MGAT4C: variants seen among roughly 807,000 people sequenced by gnomAD.
MGAT4C encodes alpha-1,3-mannosyl-glycoprotein 4-beta-N-acetylglucosaminyltransferase C.
A neutral mutation model predicts 40.1 loss-of-function variants in MGAT4C; 19 were observed. The observed-to-expected ratio is 0.47, with a 90% CI of 0.33 to 0.70. The LOEUF (loss-of-function observed/expected upper bound fraction) is 0.70. MGAT4C is among the 30% of genes least tolerant of loss of function. The pLI, the probability that MGAT4C is intolerant of heterozygous loss-of-function variation, is 0.02. For synonymous variants in MGAT4C, 181 were observed against 187.1 expected (o/e 0.97, Z 0.27); for missense variants, 491 against 563.2 (o/e 0.87, Z 1.30).
At chr12:85,996,391 A>G (rs930745038) in intron 2 of MGAT4C, among the ~76,000 whole-genome samples, 3 of 152,210 alleles carry the variant, frequency 2.0e-5, no homozygotes, top group Non-Finnish European at 4.4e-5. Flanking sequence ...ACAACGGTAG[A>G]AATAATACAA....
At chr12:86,188,467 C>T (rs1359984919) in intron 1 of MGAT4C, among the ~76,000 whole-genome samples, 1 of 151,632 alleles carries the variant, frequency 6.6e-6, no homozygotes, top group Non-Finnish European at 1.5e-5. Context: ...CTCTGTGGTC[C>T]CAGTTTGGTC....
At chr12:86,707,534 T>C (rs1205739834) in intron 2 of MGAT4C, among the ~76,000 whole-genome samples, 4 of 151,716 alleles carry the variant, frequency 2.6e-5, no homozygotes, top group South Asian at 2.1e-4. Flanking sequence ...TTTTCTTTTT[T>C]TTTTTTTTTT....
intron 2 of MGAT4C, among the ~76,000 whole-genome samples, chr12:86,600,283 T>C (rs1230468433): frequency 6.6e-6 from 1 of 152,084 alleles, no homozygotes; most frequent in East Asian, 1.9e-4. Context: ...TGGAGCACAA[T>C]GAAATAAGAA....
intron 1 of MGAT4C, among the ~76,000 whole-genome samples, chr12:86,067,566 G>T (rs113418159): frequency 6.6e-6 from 1 of 151,832 alleles, no homozygotes; most frequent in Non-Finnish European, 1.5e-5. Context: ...GGGGGGTGGG[G>T]GGATAGCGGA....
rs1348191771 is a variant in MGAT4C, at chr12:85,977,650, G to A, written c.*1639C>T. 6.6e-6 allele frequency: 1 copy of A among 151,100 alleles called. No individual in the cohort carries two copies. Among genetic ancestry groups the A allele is most frequent in the African/African-American group, 2.4e-5 (1 of 41,246 alleles). 9.4% of individuals were successfully genotyped at this position (151,100 alleles called of 1,614,324 possible). On this transcript the variant is annotated 3_prime_UTR_variant, in exon 5 of 5. Coordinates refer to ENST00000611864, the MANE Select transcript of MGAT4C (RefSeq NM_001351288.2). The stretch of plus-strand genomic sequence containing the variant: ...AGTTTCTCATTTATTTGCAGAGAAC[G>A]AATAAAATAAAAATATCCTAGTGTT...
chr12:86,634,005 G>A (rs1404118878), intron 2 of MGAT4C, among the ~76,000 whole-genome samples: 2 of 151,942 alleles, frequency 1.3e-5, no homozygotes, highest in Non-Finnish European at 2.9e-5. Context: ...AATCAACGGG[G>A]AAACAGAAAC....
chr12:86,649,736 A>G (rs1284716033), intron 2 of MGAT4C, among the ~76,000 whole-genome samples: 1 of 151,830 alleles, frequency 6.6e-6, no homozygotes, highest in Non-Finnish European at 1.5e-5. Context: ...TATTTTATGT[A>G]TTCTTTTAAA....
chr12:86,221,766 A>G (rs149460929), intron 1 of MGAT4C, among the ~76,000 whole-genome samples: 10 of 152,126 alleles, frequency 6.6e-5, no homozygotes, highest in Admixed American at 3.9e-4. Context: ...TCCTTTTTCT[A>G]TCTACAAATA....
At position 86,770,297 on chromosome 12, in the gene MGAT4C, A is replaced by T. The variant is rs148150668; in HGVS notation, c.-261-43056T>A. Among the ~76,000 whole-genome samples, 951 of 152,178 alleles carry T rather than the reference A, an allele frequency of 6.2e-3. 6 individuals carry two copies. The highest frequency in any genetic ancestry group is 8.8e-3 in the Non-Finnish European group (597 of 67,958). On this transcript the variant is annotated intron_variant, in intron 1 of 7. Coordinates refer to the MGAT4C transcript ENST00000548651. ...GTCTACCAAATTTATATGAATGCAG[A>T]CTTTAAACTGTTTGAAAATATATGT...
chr12:86,758,808 G>T (rs1216668608), intron 1 of MGAT4C, among the ~76,000 whole-genome samples: 1 of 152,012 alleles, frequency 6.6e-6, no homozygotes, highest in Non-Finnish European at 1.5e-5. Flanking sequence ...ATGCTGTTTT[G>T]ATACACGGAT....
intron 3 of MGAT4C, among the ~76,000 whole-genome samples, chr12:86,390,281 C>G (rs1956140070): frequency 6.6e-6 from 1 of 152,098 alleles, no homozygotes; most frequent in Admixed American, 6.5e-5. Flanking sequence ...ATATGAGTTT[C>G]TGGAGTACTA....
chr12:86,823,938 C>T (rs1378680699), intron 1 of MGAT4C, among the ~76,000 whole-genome samples: 1 of 151,314 alleles, frequency 6.6e-6, no homozygotes, highest in African/African-American at 2.4e-5. Context: ...CTCCCTTATG[C>T]AGGTTTTCAG....
chr12:86,285,518 A>G (rs953841592), intron 4 of MGAT4C, among the ~76,000 whole-genome samples: 1 of 152,080 alleles, frequency 6.6e-6, no homozygotes, highest in African/African-American at 2.4e-5. Flanking sequence ...TGATTCTGGG[A>G]GCTTTCCAAC....
At chr12:86,312,168 T>A (rs1246146157) in intron 4 of MGAT4C, among the ~76,000 whole-genome samples, 1 of 152,250 alleles carries the variant, frequency 6.6e-6, no homozygotes, top group African/African-American at 2.4e-5. Context: ...CAGGGTATTT[T>A]ATCACTGCTT....
chr12:86,390,801 TA>T (rs1212945882), intron 3 of MGAT4C, among the ~76,000 whole-genome samples: 1 of 152,154 alleles, frequency 6.6e-6, no homozygotes, highest in African/African-American at 2.4e-5. Flanking sequence ...GAACAATAAT[TA>T]GTAATAGAAC....
intron 2 of MGAT4C, among the ~76,000 whole-genome samples, chr12:86,470,169 A>G (rs1022952475): frequency 6.6e-6 from 1 of 152,146 alleles, no homozygotes; most frequent in African/African-American, 2.4e-5. Context: ...GCAGAACTCT[A>G]ATTTTATTTT....
chr12:86,260,807 T>C (rs1202542194), upstream of MGAT4C, among the ~76,000 whole-genome samples: 1 of 151,970 alleles, frequency 6.6e-6, no homozygotes, highest in Admixed American at 6.5e-5. Context: ...ATATATTATA[T>C]AAATTATTTA....
At chr12:86,511,874 A>G (rs1958594313) in intron 2 of MGAT4C, among the ~76,000 whole-genome samples, 1 of 152,166 alleles carries the variant, frequency 6.6e-6, no homozygotes. Context: ...CATTGGCAAC[A>G]AAAGTAAAAA....
chr12:86,180,995 C>G (rs1428898034), intron 1 of MGAT4C, among the ~76,000 whole-genome samples: 1 of 152,112 alleles, frequency 6.6e-6, no homozygotes, highest in Non-Finnish European at 1.5e-5. Context: ...AATTTTTTCT[C>G]TCAGAATTCC....
Sources: allele counts gnomAD v4.1 joint callset (sites outside exome capture counted in the v4.1 genomes callset), GRCh38; gene constraint gnomAD v4.1.1; transcripts MANE v1.5; gene names NCBI Gene and HGNC (gene_info 2026-07-23, HGNC 2026-07-21).